Variants in SMC1B observed in about 807,000 individuals in gnomAD.
SMC1B encodes structural maintenance of chromosomes protein 1B.
Under a neutral mutation model 157.9 loss-of-function variants are expected in SMC1B, and 60 were observed. The observed-to-expected ratio is 0.38, with a 90% CI of 0.31 to 0.47. The LOEUF is 0.47. SMC1B is among the 20% of genes least tolerant of loss of function. The pLI is 0.99. For synonymous variants in SMC1B, 445 were observed against 483.0 expected (o/e 0.92, Z 1.03); for missense variants, 1,165 against 1,426.2 (o/e 0.82, Z 2.95).
intron 15 of SMC1B, among the ~76,000 whole-genome samples, chr22:45,367,327 G>C (rs1329796299): frequency 3.3e-5 from 5 of 151,840 alleles, no homozygotes; most frequent in Non-Finnish European, 7.4e-5. Flanking sequence ...CCTGCTTTTT[G>C]GCACCAGGTG....
intron 12 of SMC1B, among the ~76,000 whole-genome samples, chr22:45,381,094 C>A (rs914031232): frequency 2.0e-5 from 3 of 151,842 alleles, no homozygotes; most frequent in African/African-American, 7.3e-5. Context: ...CCATGCCTGG[C>A]CAGAAGTACG....
intron 23 of SMC1B, among the ~76,000 whole-genome samples, chr22:45,348,951 G>A (rs905750975): frequency 9.3e-5 from 14 of 150,646 alleles, no homozygotes; most frequent in Non-Finnish European, 1.9e-4. Flanking sequence ...CAATCCACCC[G>A]CCTCAGCCTC....
At chr22:45,363,061 C>T (rs777573796) in intron 15 of SMC1B, 35 bp from the exon 16 acceptor site, 2 of 1,449,904 alleles carry the variant, frequency 1.4e-6, no homozygotes, top group South Asian at 2.7e-5. Flanking sequence ...CAAGTGTAAA[C>T]AGAAAACTTT....
intron 21 of SMC1B, 57 bp downstream of exon 21, chr22:45,353,921 C>CAAAAAAA (rs1184241879): frequency 1.0e-5 from 4 of 400,404 alleles, no homozygotes; most frequent in Admixed American, 5.6e-5. Context: ...AAAAAAAAAA[C>CAAAAAAA]AACCACCACC....
chr22:45,350,007 C>A (rs1271811552), intron 22 of SMC1B, among the ~76,000 whole-genome samples: 1 of 152,190 alleles, frequency 6.6e-6, no homozygotes, highest in Non-Finnish European at 1.5e-5. Flanking sequence ...ATTGGTCACT[C>A]CCTCCTTGAA....
chr22:45,353,905 A>C, intron 21 of SMC1B, 73 bp downstream of exon 21: 3 of 638,106 alleles, frequency 4.7e-6, no homozygotes, highest in East Asian at 4.2e-5. Context: ...AAAAAAAAAA[A>C]AAAAAAAAAA....
intron 9 of SMC1B, among the ~76,000 whole-genome samples, chr22:45,390,416 A>G (rs2087043713): frequency 6.6e-6 from 1 of 152,158 alleles, no homozygotes; most frequent in Non-Finnish European, 1.5e-5. Context: ...GAAGTCTAGG[A>G]AGGATTTCCA....
rs1471974992 is a variant in SMC1B, at chr22:45,354,123, G to T, written c.3128C>A (p.Ala1043Asp). 2 of 1,560,696 alleles carry T rather than the reference G, an allele frequency of 1.3e-6. No individual in the cohort carries two copies. The highest frequency in any genetic ancestry group is 2.8e-5 in the African/African-American group (2 of 71,620). Residue 1043 changes from alanine (A) to aspartate (D), a missense_variant, in exon 21 of 25, where the codon GCC (alanine) becomes GAC (aspartate). By Grantham distance (126) the Ala-to-Asp change is moderately radical. Coordinates refer to ENST00000357450, the MANE Select transcript of SMC1B (RefSeq NM_148674.5). ...KFQESTDAFE[A>D]SRKEARLCRQ... ...ACACAGTCTGGCTTCCTTTCTGCTG[G>T]CCTCAAAAGCTAAGAGAGAATCAAT... is the stretch of plus-strand genomic sequence containing the variant.
At chr22:45,346,258 A>C (rs1409413352) in intron 23 of SMC1B, among the ~76,000 whole-genome samples, 1 of 152,196 alleles carries the variant, frequency 6.6e-6, no homozygotes, top group Admixed American at 6.5e-5. Flanking sequence ...TATTTTGCCA[A>C]CTCAGCCTGA....
chr22:45,355,620 A>G (rs974847760), intron 19 of SMC1B, among the ~76,000 whole-genome samples: 2 of 152,106 alleles, frequency 1.3e-5, no homozygotes, highest in Admixed American at 6.6e-5. Flanking sequence ...CGAAGTGAAA[A>G]GACTTCTAAT....
At chr22:45,364,135 C>T (rs1200728848) in intron 15 of SMC1B, among the ~76,000 whole-genome samples, 1 of 152,138 alleles carries the variant, frequency 6.6e-6, no homozygotes, top group Non-Finnish European at 1.5e-5. Context: ...AGGCATGAGC[C>T]ACCGCGCCTG....
At chr22:45,379,009 G>C (rs1335397395) in intron 12 of SMC1B, among the ~76,000 whole-genome samples, 1 of 151,998 alleles carries the variant, frequency 6.6e-6, no homozygotes, top group African/African-American at 2.4e-5. Flanking sequence ...TTTTGAGACA[G>C]TCTTGCCTTG....
At position 45,366,703 on chromosome 22, in the gene SMC1B, G is replaced by A. The variant is rs2086779208; in HGVS notation, c.2420+3251C>T. Among the ~76,000 whole-genome samples, 4 of 152,314 alleles carry A rather than the reference G, an allele frequency of 2.6e-5. No homozygotes were observed. In the South Asian group the frequency reaches 8.3e-4, roughly 32 times the overall value. On this transcript the variant is annotated intron_variant, in intron 15 of 24. Transcript: ENST00000357450. ...ACCTGAGGTCAGGAGTTTGAGACTA[G>A]CCTGGCCAACGTGGCAAAACTCCAA...
chr22:45,364,182 G>T (rs755641809), intron 15 of SMC1B, among the ~76,000 whole-genome samples: 4 of 151,892 alleles, frequency 2.6e-5, no homozygotes, highest in Non-Finnish European at 5.9e-5. Flanking sequence ...ACCAAACTTG[G>T]GAACGTTCAT....
chr22:45,350,632 G>A (rs1322521158), intron 22 of SMC1B, among the ~76,000 whole-genome samples: 2 of 152,088 alleles, frequency 1.3e-5, no homozygotes, highest in Admixed American at 6.6e-5. Context: ...ATTCCATGTG[G>A]GTGACTAATA....
At chr22:45,408,164 C>T (rs956999260) in intron 2 of SMC1B, among the ~76,000 whole-genome samples, 8 of 152,052 alleles carry the variant, frequency 5.3e-5, no homozygotes, top group African/African-American at 1.2e-4. Context: ...CTTGATCTGT[C>T]GCCTAGGCTG....
chr22:45,381,936 G>A (rs1413131351), intron 12 of SMC1B, among the ~76,000 whole-genome samples: 1 of 152,082 alleles, frequency 6.6e-6, no homozygotes, highest in Non-Finnish European at 1.5e-5. Context: ...TAATCTGAAA[G>A]CATTCTATAT....
intron 4 of SMC1B, among the ~76,000 whole-genome samples, chr22:45,402,824 GC>G (rs1256183232): frequency 6.6e-6 from 1 of 152,182 alleles, no homozygotes; most frequent in Non-Finnish European, 1.5e-5. Flanking sequence ...GCATGCATTA[GC>G]CTGGGTCCCT....
At chr22:45,358,039 T>C (rs2086686254) in intron 19 of SMC1B, among the ~76,000 whole-genome samples, 1 of 152,198 alleles carries the variant, frequency 6.6e-6, no homozygotes, top group Non-Finnish European at 1.5e-5. Flanking sequence ...ATCATGTATG[T>C]AATGAACCTC....
Sources: allele counts gnomAD v4.1 joint callset (sites outside exome capture counted in the v4.1 genomes callset), GRCh38; gene constraint gnomAD v4.1.1; transcripts MANE v1.5; gene names NCBI Gene and HGNC (gene_info 2026-07-23, HGNC 2026-07-21).